Variants in ASCC3 observed in about 807,000 individuals in gnomAD.
ASCC3 encodes activating signal cointegrator 1 complex subunit 3.
Under a neutral mutation model 256.3 loss-of-function variants are expected in ASCC3, and 158 were observed. The observed-to-expected ratio is 0.62, with a 90% CI of 0.54 to 0.70. The LOEUF is 0.70. Among genes scored for constraint, ASCC3 ranks in the 30% least tolerant of loss-of-function variants. The pLI is 0.00. For synonymous variants in ASCC3, 948 were observed against 883.4 expected, an observed-to-expected ratio of 1.07 and a Z score of -1.30; for missense variants, 2,259 against 2,626.0, an observed-to-expected ratio of 0.86 and a Z score of 3.05.
chr6:100,831,186 C>G (rs1397543587), intron 4 of ASCC3, among the ~76,000 whole-genome samples: 1 of 151,800 alleles, frequency 6.6e-6, no homozygotes, highest in East Asian at 1.9e-4. Flanking sequence ...TTTTAAATTT[C>G]TTCTAAAAAT....
chr6:100,685,579 C>A (rs1020825036), intron 13 of ASCC3, among the ~76,000 whole-genome samples: 9 of 152,148 alleles, frequency 5.9e-5, no homozygotes, highest in Admixed American at 5.9e-4. Context: ...ATTAAGGCAT[C>A]CATCATAAGT....
chr6:100,827,541 A>T (rs559298760), intron 4 of ASCC3, among the ~76,000 whole-genome samples: 1 of 152,272 alleles, frequency 6.6e-6, no homozygotes, highest in Admixed American at 6.5e-5. Flanking sequence ...ATCATATTCT[A>T]TTAGATGCAT....
chr6:100,587,141 T>C (rs539168525), intron 36 of ASCC3, among the ~76,000 whole-genome samples: 45 of 152,310 alleles, frequency 3.0e-4, no homozygotes, highest in African/African-American at 1.0e-3. Context: ...CCCACAGCTT[T>C]CCTCATCTTC....
At chr6:100,753,816 G>A (rs546207531) in intron 10 of ASCC3, among the ~76,000 whole-genome samples, 1 of 152,004 alleles carries the variant, frequency 6.6e-6, no homozygotes, top group African/African-American at 2.4e-5. Flanking sequence ...TATATTATTT[G>A]GGCAAAAAGA....
chr6:100,829,299 G>A (rs1223639220), intron 4 of ASCC3, among the ~76,000 whole-genome samples: 3 of 152,148 alleles, frequency 2.0e-5, no homozygotes, highest in African/African-American at 4.8e-5. Flanking sequence ...TCATGGAGGA[G>A]GCTCCGGCCG....
intron 36 of ASCC3, among the ~76,000 whole-genome samples, chr6:100,588,395 T>C (rs1050263319): frequency 1.3e-5 from 2 of 152,168 alleles, no homozygotes; most frequent in Admixed American, 6.6e-5. Flanking sequence ...ATTATTTTGC[T>C]GCCTGTGCCA....
chr6:100,702,620 G>T (rs1261511574), intron 13 of ASCC3, among the ~76,000 whole-genome samples: 1 of 152,108 alleles, frequency 6.6e-6, no homozygotes, highest in Admixed American at 6.6e-5. Flanking sequence ...GCCACGCCTG[G>T]TAGAGAAGGA....
At chr6:100,514,952 G>A (rs1008902144) in intron 39 of ASCC3, among the ~76,000 whole-genome samples, 1 of 152,208 alleles carries the variant, frequency 6.6e-6, no homozygotes. Context: ...CTGCAGAGCC[G>A]GCACCAGATT....
intron 13 of ASCC3, among the ~76,000 whole-genome samples, chr6:100,689,272 A>T (rs1777725941): frequency 6.6e-6 from 1 of 152,186 alleles, no homozygotes; most frequent in South Asian, 2.1e-4. Flanking sequence ...GGGTCATACT[A>T]CGTGCTAGGT....
At chr6:100,862,315 T>C (rs767389822) in intron 3 of ASCC3, among the ~76,000 whole-genome samples, 67 of 152,210 alleles carry the variant, frequency 4.4e-4, no homozygotes, top group Non-Finnish European at 9.0e-4. Flanking sequence ...TCGGAAGATC[T>C]AACTGTACAA....
At chr6:100,580,898 C>T (rs1347089150) in intron 36 of ASCC3, among the ~76,000 whole-genome samples, 8 of 152,068 alleles carry the variant, frequency 5.3e-5, no homozygotes, top group Non-Finnish European at 1.2e-4. Context: ...CATGTCCCTA[C>T]AAAGGACATG....
At chr6:100,703,213 T>C (rs1778425701) in intron 13 of ASCC3, among the ~76,000 whole-genome samples, 1 of 152,070 alleles carries the variant, frequency 6.6e-6, no homozygotes, top group Non-Finnish European at 1.5e-5. Context: ...ATAATAGAAA[T>C]TTAAAAACGT....
At chr6:100,588,312 T>C (rs1446317452) in intron 36 of ASCC3, among the ~76,000 whole-genome samples, 3 of 152,106 alleles carry the variant, frequency 2.0e-5, no homozygotes, top group Non-Finnish European at 4.4e-5. Flanking sequence ...AAATGTGAGA[T>C]TAGATAAATA....
At chr6:100,783,010 CA>C (rs5878647) in intron 8 of ASCC3, among the ~76,000 whole-genome samples, 490 of 132,864 alleles carry the variant, frequency 3.7e-3, no homozygotes, top group African/African-American at 8.6e-3. Context: ...ATACCTATGC[CA>C]AAAAAAAAAA....
chr6:100,570,279 C>G (rs1386549808), intron 36 of ASCC3, among the ~76,000 whole-genome samples: 2 of 152,066 alleles, frequency 1.3e-5, no homozygotes, highest in African/African-American at 4.8e-5. Flanking sequence ...TTATTTCTTT[C>G]TCTTGCCTGA....
At chr6:100,599,213 GAGA>G (rs1772467918) in intron 34 of ASCC3, among the ~76,000 whole-genome samples, 1 of 152,158 alleles carries the variant, frequency 6.6e-6, no homozygotes, top group African/African-American at 2.4e-5. Flanking sequence ...AGGACCAGCA[GAGA>G]AGAACCTTTT....
Position 100,509,183 on chromosome 6 carries a change from T to C in ASCC3, c.*203A>G. 1 of 627,536 alleles carries C rather than the reference T, an allele frequency of 1.6e-6. No homozygotes were observed. Among genetic ancestry groups the C allele is most frequent in the Non-Finnish European group, 2.8e-6 (1 of 354,988 alleles). The allele number at this position is 627,536 out of a possible 1,614,324, so 38.9% of individuals were successfully genotyped here. On this transcript the variant is annotated 3_prime_UTR_variant, in exon 42 of 42. Transcript: ENST00000369162. ...TATCAAGAAACTCATAAAGATAACA[T>C]TATAAAAGGCAACATTTGTTAAAAG...
chr6:100,872,986 C>G (rs542538886), intron 1 of ASCC3, among the ~76,000 whole-genome samples: 3 of 151,304 alleles, frequency 2.0e-5, no homozygotes, highest in Non-Finnish European at 2.9e-5. Context: ...TTCTTTAACA[C>G]CCCCCCCAAA....
intron 33 of ASCC3, among the ~76,000 whole-genome samples, chr6:100,604,510 C>T (rs1389818034): frequency 2.0e-5 from 3 of 151,742 alleles, no homozygotes; most frequent in African/African-American, 7.3e-5. Context: ...AATTAGAGTG[C>T]AGTGGTGTTA....
Sources: allele counts gnomAD v4.1 joint callset (sites outside exome capture counted in the v4.1 genomes callset), GRCh38; gene constraint gnomAD v4.1.1; transcripts MANE v1.5; gene names NCBI Gene and HGNC (gene_info 2026-07-23, HGNC 2026-07-21).